The following PTPRR variants were observed in gnomAD, a reference collection of about 807,000 sequenced individuals.
PTPRR encodes receptor-type tyrosine-protein phosphatase R.
PTPRR carries 38 observed loss-of-function variants against 77.2 expected under a neutral mutation model. That is an observed-to-expected ratio of 0.49 (90% CI 0.38 to 0.65). The LOEUF (loss-of-function observed/expected upper bound fraction) is 0.65, where lower values mean the gene tolerates loss of function less well. PTPRR is among the 30% of genes least tolerant of loss of function. The pLI, the probability that PTPRR is intolerant of heterozygous loss-of-function variation, is 0.00. For missense variants in PTPRR, 744 were observed against 799.2 expected (o/e 0.93, Z 0.83); for synonymous variants, 299 against 283.1 (o/e 1.06, Z -0.57).
chr12:70,895,943 C>G (rs914353657), intron 1 of PTPRR, among the ~76,000 whole-genome samples: 1 of 151,672 alleles, frequency 6.6e-6, no homozygotes, highest in Admixed American at 6.6e-5. Context: ...TTCCCTCTCT[C>G]TCCTATCAAT....
intron 10 of PTPRR, chr12:70,672,085 T>C (rs957022145): frequency 6.9e-5 from 94 of 1,362,466 alleles, no homozygotes; most frequent in Admixed American, 3.4e-4. Context: ...TCAACCTCAA[T>C]GCCTTTGACT....
At chr12:70,848,572 C>T (rs576252815) in intron 2 of PTPRR, among the ~76,000 whole-genome samples, 1 of 152,282 alleles carries the variant, frequency 6.6e-6, no homozygotes, top group South Asian at 2.1e-4. Context: ...GATCTGTCCG[C>T]CTTGGCCTCC....
intron 2 of PTPRR, among the ~76,000 whole-genome samples, chr12:70,805,026 T>G (rs1368887066): frequency 6.6e-6 from 1 of 152,216 alleles, no homozygotes; most frequent in South Asian, 2.1e-4. Flanking sequence ...CGAGATAGTA[T>G]ATATCCTTTA....
intron 6 of PTPRR, among the ~76,000 whole-genome samples, chr12:70,733,465 T>TC (rs1889748335): frequency 1.4e-5 from 1 of 73,480 alleles, no homozygotes; most frequent in Non-Finnish European, 2.6e-5. Flanking sequence ...AAAGAAAAAT[T>TC]ATGGCAAAAA....
Position 70,761,538 on chromosome 12 carries a change from C to T in PTPRR, c.560G>A (p.Arg187His), listed in dbSNP as rs202190339. 131 of 1,612,248 alleles carry T rather than the reference C, an allele frequency of 8.1e-5. No individual in the cohort carries two copies. The highest frequency in any genetic ancestry group is 1.7e-4 in the Admixed American group (10 of 59,738). ...ATGCAAAACATTGATATTAAGTGAACGAAGAACTTCCTCAGAGGGCAGAGC... is the reference window on the plus strand; with the variant it reads ...ATGCAAAACATTGATATTAAGTGAATGAAGAACTTCCTCAGAGGGCAGAGC... ...SDALPSEEVL[R>H]SLNINVLHQS... is the part of the protein sequence containing the mutation. The change falls in exon 4 of 14, where the codon CGT becomes CAT. Residue 187 changes from arginine (R) to histidine (H), a missense_variant. Arg to His is a conservative substitution (Grantham distance 29). Around this residue, in one of 3 missense-constraint regions of PTPRR, gnomAD observed 570 missense variants for 573.2 expected, o/e 0.99. Coordinates refer to ENST00000283228, the MANE Select transcript of PTPRR (RefSeq NM_002849.4).
intron 1 of PTPRR, among the ~76,000 whole-genome samples, chr12:70,900,806 A>T (rs1893521234): frequency 6.6e-6 from 1 of 151,702 alleles, no homozygotes; most frequent in African/African-American, 2.4e-5. Flanking sequence ...GAAAATGCAA[A>T]TTAAAGCCAC....
At chr12:70,915,846 A>G (rs1346141975) in intron 1 of PTPRR, among the ~76,000 whole-genome samples, 2 of 152,172 alleles carry the variant, frequency 1.3e-5, no homozygotes, top group Non-Finnish European at 2.9e-5. Flanking sequence ...AAGATATTAA[A>G]TGCAAAAAGA....
intron 10 of PTPRR, among the ~76,000 whole-genome samples, chr12:70,683,247 A>C (rs1047215847): frequency 2.6e-5 from 4 of 152,226 alleles, no homozygotes; most frequent in African/African-American, 9.6e-5. Flanking sequence ...ACAAGAAAAC[A>C]AACACTGAAA....
Position 70,639,201 on chromosome 12 carries a change from C to T in PTPRR, c.1957G>A (p.Ala653Thr), listed in dbSNP as rs1217067467. Residue 653 changes from alanine (A) to threonine (T), a missense_variant, in exon 14 of 14, where the codon GCA (alanine) becomes ACA (threonine). By Grantham distance (58) the Ala-to-Thr change is moderately conservative. Coordinates refer to ENST00000283228, the MANE Select transcript of PTPRR (RefSeq NM_002849.4). ...ALCLYESRLS[A>T]ETVQ is the part of the protein sequence containing the mutation. ...TCAATGACTCACTGGACAGTCTCTG[C>T]TGAAAGTCTGCTCTCATACAGGCAC... 1.9e-6 allele frequency: 3 copies of T among 1,613,102 alleles called. No individual in the cohort carries two copies. Among genetic ancestry groups the T allele is most frequent in the Non-Finnish European group, 2.5e-6 (3 of 1,179,852 alleles).
intron 6 of PTPRR, among the ~76,000 whole-genome samples, chr12:70,736,630 T>G (rs922595834): frequency 2.6e-5 from 4 of 152,162 alleles, no homozygotes; most frequent in Non-Finnish European, 5.9e-5. Context: ...GTTGGTGAAA[T>G]GAGATAATGC....
intron 13 of PTPRR, among the ~76,000 whole-genome samples, chr12:70,645,594 C>G (rs1175678449): frequency 6.6e-6 from 1 of 152,124 alleles, no homozygotes; most frequent in African/African-American, 2.4e-5. Flanking sequence ...AAGTCATTCC[C>G]TTTATTGCAA....
intron 10 of PTPRR, among the ~76,000 whole-genome samples, chr12:70,663,096 A>G (rs1886855058): frequency 6.6e-6 from 1 of 152,226 alleles, no homozygotes; most frequent in African/African-American, 2.4e-5. Flanking sequence ...GTGGCATACA[A>G]CCAAGTTTCC....
chr12:70,733,480 A>AAAAAAAAAAAAAAAAAAAAAAAATTTAAT (rs1565672451), intron 6 of PTPRR, among the ~76,000 whole-genome samples: 1 of 85,808 alleles, frequency 1.2e-5, no homozygotes, highest in Non-Finnish European at 2.1e-5. Context: ...CAAAAAAAAA[A>AAAAAAAAAAAAAAAAAAAAAAAATTTAAT]AGAAAAAAAA....
At chr12:70,803,646 C>G (rs1214867768) in intron 2 of PTPRR, among the ~76,000 whole-genome samples, 1 of 152,064 alleles carries the variant, frequency 6.6e-6, no homozygotes, top group East Asian at 1.9e-4. Flanking sequence ...CATGGAGAAA[C>G]AGAAGGAAGT....
At chr12:70,694,059 C>T (rs1001664812) in intron 8 of PTPRR, among the ~76,000 whole-genome samples, 7 of 151,978 alleles carry the variant, frequency 4.6e-5, no homozygotes, top group Non-Finnish European at 7.4e-5. Context: ...GATTAAATAT[C>T]CTGCCAAAAA....
intron 2 of PTPRR, among the ~76,000 whole-genome samples, chr12:70,892,273 C>T (rs554851857): frequency 6.6e-6 from 1 of 152,094 alleles, no homozygotes; most frequent in East Asian, 1.9e-4. Flanking sequence ...AGTCAAGTGA[C>T]CAGAGGATCT....
intron 1 of PTPRR, among the ~76,000 whole-genome samples, chr12:70,918,559 G>A (rs1055700307): frequency 3.6e-4 from 55 of 152,238 alleles, no homozygotes; most frequent in African/African-American, 1.3e-3. Flanking sequence ...CATCTGATGA[G>A]CAAAAGTCCT....
intron 2 of PTPRR, among the ~76,000 whole-genome samples, chr12:70,769,558 T>G (rs1432179574): frequency 1.3e-5 from 2 of 152,120 alleles, no homozygotes; most frequent in East Asian, 3.9e-4. Flanking sequence ...GTAGGAAGAA[T>G]CAATATCATG....
At chr12:70,717,509 C>G (rs1889076359) in intron 6 of PTPRR, among the ~76,000 whole-genome samples, 1 of 152,054 alleles carries the variant, frequency 6.6e-6, no homozygotes, top group African/African-American at 2.4e-5. Context: ...ATAGGGTCAC[C>G]AAATTGAGCA....
Sources: allele counts gnomAD v4.1 joint callset (sites outside exome capture counted in the v4.1 genomes callset), GRCh38; gene constraint gnomAD v4.1.1; regional missense constraint gnomAD v4.1.1; transcripts MANE v1.5; gene names NCBI Gene and HGNC (gene_info 2026-07-23, HGNC 2026-07-21).